Variants in CUX1 observed in about 807,000 individuals in gnomAD.
CUX1 encodes the protein protein CASP.
A neutral mutation model predicts 158.8 loss-of-function variants in CUX1; 31 were observed. The ratio of observed to expected loss-of-function variants is 0.20; its 90% confidence interval spans 0.15 to 0.26. CUX1 has a LOEUF of 0.26. Among genes scored for constraint, CUX1 ranks in the 10% least tolerant of loss-of-function variants. The pLI, the probability that CUX1 is intolerant of heterozygous loss-of-function variation, is 1.00. For missense variants in CUX1, 1,589 were observed against 2,014.6 expected, an observed-to-expected ratio of 0.79 and a Z score of 4.04; for synonymous variants, 879 against 862.1, an observed-to-expected ratio of 1.02 and a Z score of -0.34.
intron 14 of CUX1, 112 bp downstream of exon 14, chr7:102,195,715 C>A (rs1455868211): frequency 2.1e-6 from 2 of 961,112 alleles, no homozygotes; most frequent in Non-Finnish European, 3.0e-6. Flanking sequence ...AGAGAAGCGC[C>A]GGTTGACGAG....
chr7:102,044,539 A>G (rs1822511378), intron 3 of CUX1, among the ~76,000 whole-genome samples: 1 of 152,032 alleles, frequency 6.6e-6, no homozygotes, highest in East Asian at 1.9e-4. Context: ...TTATTGCATT[A>G]ACTTTTCCCC....
chr7:101,970,934 G>A (rs1050911753), intron 2 of CUX1, among the ~76,000 whole-genome samples: 3 of 152,136 alleles, frequency 2.0e-5, no homozygotes, highest in African/African-American at 7.2e-5. Flanking sequence ...TGGTTGTCTG[G>A]GGACTTTGGG....
rs988559848 is a variant in CUX1, at chr7:101,869,106, G to T, written c.31-47009G>T. On this transcript the variant is annotated intron_variant, in intron 1 of 23. Transcript: ENST00000292535. The surrounding 1 kb of genome is among the most constrained non-coding windows in gnomAD (Gnocchi z 4.5). ...GCAAAGGGCCTGGGGCATGGACTTG[G>T]GCAGGTAGCAAAGGCCAGAAGGAGT... Among the ~76,000 whole-genome samples the T allele has an allele frequency of 1.3e-5, 2 of 150,842 alleles. No individual in the cohort carries two copies. Among genetic ancestry groups the T allele is most frequent in the African/African-American group, 4.9e-5 (2 of 41,118 alleles).
At chr7:101,957,071 A>G (rs1809869886) in intron 2 of CUX1, among the ~76,000 whole-genome samples, 1 of 152,262 alleles carries the variant, frequency 6.6e-6, no homozygotes, top group Non-Finnish European at 1.5e-5. Flanking sequence ...GAACGGCTAA[A>G]TGATGCTAAA....
intron 23 of CUX1, among the ~76,000 whole-genome samples, chr7:102,241,806 G>A (rs1586402501): frequency 6.6e-6 from 1 of 152,222 alleles, no homozygotes; most frequent in Non-Finnish European, 1.5e-5. Context: ...CCTCCCGCAA[G>A]GACAAAATCC....
intron 1 of CUX1, among the ~76,000 whole-genome samples, chr7:101,863,326 G>A (rs1797648161): frequency 6.6e-6 from 1 of 150,650 alleles, no homozygotes; most frequent in African/African-American, 2.4e-5. Context: ...ATGTGTCTTT[G>A]TCTTTTGAGA....
intron 1 of CUX1, among the ~76,000 whole-genome samples, chr7:101,887,142 T>C (rs1403973356): frequency 6.6e-6 from 1 of 152,056 alleles, no homozygotes; most frequent in Non-Finnish European, 1.5e-5. Context: ...CAGGGACGGT[T>C]TGGAAGGGGC....
chr7:102,227,173 GTTTT>G (rs1798421430), intron 20 of CUX1, among the ~76,000 whole-genome samples, 190 bp from the exon 21 acceptor site: 1 of 151,882 alleles, frequency 6.6e-6, no homozygotes, highest in Non-Finnish European at 1.5e-5. Flanking sequence ...TGTTATTTTT[GTTTT>G]TTAATATGGA....
At chr7:102,163,822 C>T (rs1470870395) in intron 9 of CUX1, among the ~76,000 whole-genome samples, 1 of 152,188 alleles carries the variant, frequency 6.6e-6, no homozygotes. Context: ...CCAGGAGGAG[C>T]AATTTACTAG....
At chr7:102,119,345 C>T (rs1831789322) in intron 8 of CUX1, among the ~76,000 whole-genome samples, 1 of 152,138 alleles carries the variant, frequency 6.6e-6, no homozygotes, top group Non-Finnish European at 1.5e-5. Flanking sequence ...TCCGAGACCC[C>T]GGTTTATCGT....
chr7:102,094,846 G>A (rs1338359154), intron 4 of CUX1, among the ~76,000 whole-genome samples: 5 of 152,184 alleles, frequency 3.3e-5, no homozygotes, highest in Non-Finnish European at 5.9e-5. Context: ...GCACAAGGTC[G>A]TGAAGGTGGG....
At chr7:101,985,643 A>G (rs1005670637) in intron 2 of CUX1, among the ~76,000 whole-genome samples, 5 of 152,206 alleles carry the variant, frequency 3.3e-5, no homozygotes, top group African/African-American at 1.2e-4. Flanking sequence ...AAGTTTCCCA[A>G]ATTCCCACAT....
In CUX1 at chr7:102,249,426, C is replaced by T. The variant is rs1801239772; in HGVS notation, c.*384C>T. On this transcript the variant is annotated 3_prime_UTR_variant, in exon 24 of 24. Coordinates refer to ENST00000292535, the MANE Select transcript of CUX1 (RefSeq NM_181552.4). ...AAGGAGCATTAAGCCCAATCTATGT[C>T]GTGTTTTCAAGGAAGAAAACGGAAA... 2 of 987,022 alleles carry T rather than the reference C, an allele frequency of 2.0e-6. No individual in the cohort carries two copies. Among genetic ancestry groups the T allele is most frequent in the African/African-American group, 1.7e-5 (1 of 57,428 alleles). The allele number at this position is 987,022 out of a possible 1,614,324, so 61.1% of individuals were successfully genotyped here.
In CUX1 at chr7:102,251,870, A is replaced by C; in HGVS notation, c.*2828A>C. ...TTTACAAAGGTGTTAAATCTGAGGA[A>C]ATTGACAAATACAGATTTGTCCATT... On this transcript the variant is annotated 3_prime_UTR_variant, in exon 24 of 24. Coordinates refer to ENST00000292535, the MANE Select transcript of CUX1 (RefSeq NM_181552.4). The C allele has an allele frequency of 6.1e-6, 6 of 985,446 alleles. No individual in the cohort carries two copies. The highest frequency in any genetic ancestry group is 7.2e-6 in the Non-Finnish European group (6 of 829,936). 61.0% of individuals were successfully genotyped at this position (985,446 alleles called of 1,614,324 possible).
At chr7:102,195,154 C>T (rs1013040641) in intron 13 of CUX1, among the ~76,000 whole-genome samples, 2 of 149,810 alleles carry the variant, frequency 1.3e-5, no homozygotes, top group East Asian at 3.9e-4. Context: ...TTTACAGTAA[C>T]GTTCGGACAG....
At position 102,250,282 on chromosome 7, in the gene CUX1, G is replaced by A. The variant is rs576684859; in HGVS notation, c.*1240G>A. The A allele has an allele frequency of 3.8e-5, 37 of 985,384 alleles. No individual in the cohort carries two copies. The South Asian group carries it at 9.4e-4, about 25-fold the overall frequency. 61.0% of individuals were successfully genotyped at this position (985,384 alleles called of 1,614,324 possible). On this transcript the variant is annotated 3_prime_UTR_variant, in exon 24 of 24. Transcript: ENST00000292535. ...AAAGAAAGGAGAGAGTAGTCCGGGC[G>A]AGCACAGCAGGCAGTTCCAGGGCCA... is the stretch of plus-strand genomic sequence containing the variant.
At chr7:101,999,217 C>CTTTTT (rs3988167) in intron 2 of CUX1, among the ~76,000 whole-genome samples, 9,722 of 85,646 alleles carry the variant, frequency 0.11, 1,045 homozygotes, top group East Asian at 0.32. Flanking sequence ...TTTTTTTTAC[C>CTTTTT]TTTTTTTTTT....
chr7:101,828,003 G>T (rs78178638), intron 1 of CUX1, among the ~76,000 whole-genome samples: 1,685 of 139,462 alleles, frequency 0.012, 38 homozygotes, highest in African/African-American at 0.043. Flanking sequence ...TGAGATGGGA[G>T]TTTTACCCTG....
intron 2 of CUX1, among the ~76,000 whole-genome samples, chr7:102,020,013 A>G (rs983372530): frequency 6.6e-6 from 1 of 152,146 alleles, no homozygotes; most frequent in Admixed American, 6.6e-5. Context: ...CATTTATTTC[A>G]TTGCTGGGTG....
Sources: allele counts gnomAD v4.1 joint callset (sites outside exome capture counted in the v4.1 genomes callset), GRCh38; gene constraint gnomAD v4.1.1; non-coding constraint Gnocchi (gnomAD v3.1); transcripts MANE v1.5; gene names NCBI Gene and HGNC (gene_info 2026-07-23, HGNC 2026-07-21).